LSS: variants seen among roughly 807,000 people sequenced by gnomAD.
LSS encodes the protein lanosterol synthase, also known as 2,3-epoxysqualene-lanosterol cyclase.
In LSS, 90 loss-of-function variants were observed where a neutral mutation model predicts 110.3. The observed-to-expected ratio is 0.82, with a 90% CI of 0.69 to 0.97. The LOEUF (loss-of-function observed/expected upper bound fraction) is 0.97. Among genes scored for constraint, LSS ranks in the 50% least tolerant of loss-of-function variants. LSS has a pLI of 0.00. For missense variants in LSS, 927 were observed against 990.0 expected, an observed-to-expected ratio of 0.94 and a Z score of 0.85; for synonymous variants, 433 against 400.0, an observed-to-expected ratio of 1.08 and a Z score of -0.98.
At chr21:46,220,077 C>T (rs938494433) in intron 5 of LSS, among the ~76,000 whole-genome samples, 2 of 152,192 alleles carry the variant, frequency 1.3e-5, no homozygotes, top group Admixed American at 6.5e-5. Flanking sequence ...AGAGTAGCTC[C>T]GGCACGCTGG....
At chr21:46,192,729 T>C in intron 20 of LSS, 1 of 453,262 alleles carries the variant, frequency 2.2e-6, no homozygotes, top group Non-Finnish European at 4.4e-6. Flanking sequence ...GTGGCACAGA[T>C]GGGATACTGC....
intron 20 of LSS, chr21:46,192,571 T>C (rs1304634365): frequency 5.2e-6 from 2 of 384,944 alleles, no homozygotes; most frequent in South Asian, 1.9e-5. Context: ...TAGACCTGTA[T>C]GTACATCTGT....
chr21:46,227,524 C>A (rs765782873), intron 3 of LSS, 28 bp downstream of exon 3: 3 of 1,613,100 alleles, frequency 1.9e-6, no homozygotes, highest in East Asian at 2.2e-5. Flanking sequence ...GGTGGCCATA[C>A]CATCAGGCTG....
At chr21:46,211,798 G>A (rs1264761999) in intron 11 of LSS, among the ~76,000 whole-genome samples, 3 of 152,174 alleles carry the variant, frequency 2.0e-5, no homozygotes, top group Non-Finnish European at 2.9e-5. Flanking sequence ...AGCCCTTCAG[G>A]AACAAACCTT....
At chr21:46,215,110 G>C (rs2080182437) in intron 9 of LSS, 70 bp downstream of exon 9, 2 of 1,311,448 alleles carry the variant, frequency 1.5e-6, no homozygotes, top group Non-Finnish European at 1.1e-6. Context: ...TCACAGCCCG[G>C]CCTCTAGGAC....
intron 3 of LSS, among the ~76,000 whole-genome samples, chr21:46,223,449 G>T (rs2080301516): frequency 6.6e-6 from 1 of 152,164 alleles, no homozygotes; most frequent in Non-Finnish European, 1.5e-5. Flanking sequence ...ATGAATACCT[G>T]ACTCTGGCTT....
chr21:46,195,836 T>C, intron 18 of LSS, 80 bp from the exon 19 acceptor site: 1 of 1,191,632 alleles, frequency 8.4e-7, no homozygotes, highest in Non-Finnish European at 1.2e-6. Flanking sequence ...TCTGCAACAA[T>C]CACACGTGCC....
chr21:46,221,664 T>A, intron 5 of LSS, 190 bp downstream of exon 5: 1 of 744,926 alleles, frequency 1.3e-6, no homozygotes, highest in Non-Finnish European at 2.1e-6. Flanking sequence ...GCCTGGCTCT[T>A]AATTTGCTTT....
rs187703537 is a variant in LSS at position 46,223,552 on chromosome 21, G to A, written c.320-814C>T. On this transcript the variant is annotated intron_variant, in intron 3 of 21. Coordinates refer to ENST00000397728, the MANE Select transcript of LSS (RefSeq NM_002340.6). ...CGCCAAGGCAAGAGACCGAGGACAC[G>A]AGCTGTTCCAGTATAATAAAATATA... 8.6e-3 allele frequency among the ~76,000 whole-genome samples: 1,310 copies of A among 152,330 alleles called. 16 individuals are homozygous for A. Among genetic ancestry groups the A allele is most frequent in the African/African-American group, 0.03 (1,252 of 41,570 alleles).
intron 17 of LSS, among the ~76,000 whole-genome samples, chr21:46,202,942 C>T (rs1391220071): frequency 1.3e-5 from 2 of 152,222 alleles, no homozygotes; most frequent in Non-Finnish European, 2.9e-5. Flanking sequence ...AGGAAGCCCG[C>T]GATTAAGTCA....
Position 46,219,634 on chromosome 21 carries a change from C to T in LSS, c.551-62G>A, listed in dbSNP as rs74328331. 57,655 of 1,073,616 alleles carry T rather than the reference C, an allele frequency of 0.054. 1,887 individuals carry two copies. Among genetic ancestry groups the T allele is most frequent in the Non-Finnish European group, 0.063 (46,656 of 744,436 alleles). The allele number at this position is 1,073,616 out of a possible 1,614,324, so 66.5% of individuals were successfully genotyped here. A position where few individuals can be genotyped will look rare whatever the true frequency, so the allele number is the denominator to read the frequency against. On this transcript the variant is annotated intron_variant, in intron 5 of 21. Coordinates refer to ENST00000397728, the MANE Select transcript of LSS (RefSeq NM_002340.6). ...CCTGTCAGCAAAGTCTGCACTGCCT[C>T]TAGCTGGGAAGCTTCACCCTCTGGG...
chr21:46,204,385 AT>A (rs575518337), intron 17 of LSS, among the ~76,000 whole-genome samples: 5,932 of 148,820 alleles, frequency 0.04, 158 homozygotes, highest in Middle Eastern at 0.11. Flanking sequence ...AAAGACTAAG[AT>A]TTTTTTTTTT....
chr21:46,221,815 C>G, intron 5 of LSS, 39 bp downstream of exon 5: 1 of 1,612,658 alleles, frequency 6.2e-7, no homozygotes, highest in Non-Finnish European at 8.5e-7. Context: ...ATCGAGTTGA[C>G]ACGAACCCCT....
At chr21:46,196,119 C>G in intron 18 of LSS, 83 bp downstream of exon 18, 2 of 1,378,942 alleles carry the variant, frequency 1.5e-6, no homozygotes, top group Non-Finnish European at 2.0e-6. Flanking sequence ...AACATACAAG[C>G]CAACATTTAT....
At chr21:46,212,660 G>A (rs2080148557) in intron 11 of LSS, among the ~76,000 whole-genome samples, 1 of 152,348 alleles carries the variant, frequency 6.6e-6, no homozygotes, top group Middle Eastern at 3.4e-3. Context: ...CCTTTAAGAA[G>A]AAGCCCCTTA....
intron 11 of LSS, 147 bp downstream of exon 11, chr21:46,212,878 G>A (rs903132307): frequency 1.4e-5 from 13 of 900,756 alleles, no homozygotes; most frequent in Admixed American, 8.1e-5. Context: ...ACAGGGACAC[G>A]GCCAGAGGCC....
At chr21:46,220,509 T>C (rs2080262766) in intron 5 of LSS, 1 of 152,802 alleles carries the variant, frequency 6.5e-6, no homozygotes. Context: ...AGGCAGTGCA[T>C]GGCGAGCCCT....
Position 46,207,436 on chromosome 21 carries a change from C to T in LSS, c.1459G>A (p.Val487Met). The change falls in exon 15 of 22, where the codon GTG becomes ATG. Residue 487 changes from valine to methionine, a missense_variant. Transcript: ENST00000397728. Reference sequence around the variant, plus strand: ...TGGGACCACAGCCTTACCACAGCCACAGCATCGCAGAGCCGTTCTCTGGGG... The same window carrying T: ...TGGGACCACAGCCTTACCACAGCCATAGCATCGCAGAGCCGTTCTCTGGGG... The part of the protein sequence containing the change: ...HIPRERLCDA[V>M]AVLLNMRNPD... The T allele has an allele frequency of 6.2e-7, 1 of 1,612,342 alleles. No homozygotes were observed. The highest frequency in any genetic ancestry group is 1.1e-5 in the South Asian group (1 of 90,622).
At chr21:46,199,301 G>C (rs2079949591) in intron 17 of LSS, among the ~76,000 whole-genome samples, 1 of 152,232 alleles carries the variant, frequency 6.6e-6, no homozygotes, top group Non-Finnish European at 1.5e-5. Flanking sequence ...TTAGGGAATT[G>C]CAAATTGAAA....
Sources: gnomAD v4.1 joint callset for allele counts (sites outside exome capture counted in the v4.1 genomes callset) on GRCh38, gnomAD v4.1.1 for gene constraint, MANE v1.5 for transcripts, NCBI Gene and HGNC (gene_info 2026-07-23, HGNC 2026-07-21) for gene names.